Variants in SLC16A10 observed in about 807,000 individuals in gnomAD.
SLC16A10 encodes solute carrier family 16 member 10, also known as monocarboxylate transporter 10.
SLC16A10 carries 27 observed loss-of-function variants against 40.0 expected under a neutral mutation model. The ratio of observed to expected loss-of-function variants is 0.67; its 90% CI spans 0.50 to 0.93. The LOEUF (loss-of-function observed/expected upper bound fraction) is 0.93. SLC16A10 is among the 40% of genes least tolerant of loss of function. The probability of loss-of-function intolerance (pLI) is 0.00; values close to 1 mark genes in which losing one functional copy is unlikely to be tolerated. For missense variants in SLC16A10, 529 were observed against 658.2 expected (o/e 0.80, Z 2.15); for synonymous variants, 213 against 249.8 (o/e 0.85, Z 1.39).
intron 1 of SLC16A10, among the ~76,000 whole-genome samples, chr6:111,162,204 A>G (rs1458152023): frequency 6.6e-6 from 1 of 152,268 alleles, no homozygotes; most frequent in African/African-American, 2.4e-5. Context: ...GGTTATTTGC[A>G]TAAAGCACAG....
intron 1 of SLC16A10, among the ~76,000 whole-genome samples, chr6:111,094,078 T>G (rs1380384552): frequency 6.6e-6 from 1 of 152,188 alleles, no homozygotes; most frequent in East Asian, 1.9e-4. Context: ...AAGAACCCAA[T>G]TAGCCAAAAT....
chr6:111,131,032 G>C (rs1057222041), intron 1 of SLC16A10, among the ~76,000 whole-genome samples: 1 of 152,126 alleles, frequency 6.6e-6, no homozygotes, highest in Non-Finnish European at 1.5e-5. Flanking sequence ...ACCCCTTTTG[G>C]GTCCCCTCCC....
chr6:111,104,677 G>A (rs752301349), intron 1 of SLC16A10, among the ~76,000 whole-genome samples: 31 of 152,136 alleles, frequency 2.0e-4, no homozygotes, highest in Non-Finnish European at 2.5e-4. Context: ...AATGCAAACT[G>A]GTAGTCTCAG....
At chr6:111,202,371 G>A (rs751562148) in intron 3 of SLC16A10, among the ~76,000 whole-genome samples, 13 of 152,048 alleles carry the variant, frequency 8.5e-5, no homozygotes, top group South Asian at 2.1e-4. Context: ...CCAGGTACTC[G>A]GGAGGCTGAG....
chr6:111,091,725 C>T (rs1008844668), intron 1 of SLC16A10, among the ~76,000 whole-genome samples: 4 of 152,164 alleles, frequency 2.6e-5, no homozygotes, highest in East Asian at 1.9e-4. Flanking sequence ...ACTCTTCCCA[C>T]GCAATGGATA....
chr6:111,205,374 C>T (rs939576270), intron 3 of SLC16A10, among the ~76,000 whole-genome samples: 3 of 151,930 alleles, frequency 2.0e-5, no homozygotes, highest in Admixed American at 6.6e-5. Context: ...GTGTGGGGGA[C>T]GGTGATTGTC....
intron 1 of SLC16A10, among the ~76,000 whole-genome samples, chr6:111,120,496 A>G (rs974138866): frequency 1.6e-4 from 24 of 152,364 alleles, no homozygotes; most frequent in Non-Finnish European, 2.9e-4. Flanking sequence ...AATTCCAAAA[A>G]TATCAGACAT....
chr6:111,195,328 G>A (rs1193776187), intron 3 of SLC16A10, among the ~76,000 whole-genome samples: 1 of 152,146 alleles, frequency 6.6e-6, no homozygotes, highest in Admixed American at 6.6e-5. Flanking sequence ...ACCCAGAGAA[G>A]TCACATTCAT....
chr6:111,134,343 C>A (rs1771839375), intron 1 of SLC16A10, among the ~76,000 whole-genome samples: 1 of 152,198 alleles, frequency 6.6e-6, no homozygotes, highest in Admixed American at 6.5e-5. Context: ...CTAAGGGAGG[C>A]ATTGACAAAG....
intron 4 of SLC16A10, among the ~76,000 whole-genome samples, chr6:111,215,115 T>C (rs961564287): frequency 3.3e-5 from 5 of 151,006 alleles, no homozygotes; most frequent in Non-Finnish European, 5.9e-5. Context: ...CAAGACTCCA[T>C]CTCAAAAAAA....
chr6:111,206,921 C>T (rs910398123), intron 4 of SLC16A10, among the ~76,000 whole-genome samples, 186 bp downstream of exon 4: 9 of 152,110 alleles, frequency 5.9e-5, no homozygotes, highest in Middle Eastern at 3.2e-3. Flanking sequence ...CTCCACCTCC[C>T]GGGTTCAAGG....
chr6:111,091,109 G>A (rs974455639), intron 1 of SLC16A10: 1 of 152,092 alleles, frequency 6.6e-6, no homozygotes, highest in African/African-American at 2.4e-5. Flanking sequence ...TTCAGATATG[G>A]GAACTCAGGC....
rs567851259 is a variant in SLC16A10, at chr6:111,201,779, T to G, written c.943-4813T>G. Among the ~76,000 whole-genome samples the G allele has an allele frequency of 9.2e-5, 14 of 152,334 alleles. No individual in the cohort carries two copies. The East Asian group carries it at 2.5e-3, about 27-fold the overall frequency. ...TTGCAGGTGTGTACCACCACTGCAC[T>G]TCACAGGTTTCTGTAAATAAAGTGA... On this transcript the variant is annotated intron_variant, in intron 3 of 5. Transcript: ENST00000368851.
Position 111,227,411 on chromosome 6 carries a change from T to G in SLC16A10, c.*5176T>G, listed in dbSNP as rs528862790. On this transcript the variant is annotated 3_prime_UTR_variant, in exon 6 of 6. Coordinates refer to ENST00000368851, the MANE Select transcript of SLC16A10 (RefSeq NM_018593.5). ...CAGTTAAGTGTGAAGCTTGCATAAGTGTCGGAACCACAATTATGGACCCAC... is the reference window on the plus strand; with the variant it reads ...CAGTTAAGTGTGAAGCTTGCATAAGGGTCGGAACCACAATTATGGACCCAC... 1 of 152,294 alleles carries G rather than the reference T, an allele frequency of 6.6e-6. No individual in the cohort carries two copies. Among genetic ancestry groups the G allele is most frequent in the South Asian group, 2.1e-4 (1 of 4,828 alleles). The allele number at this position is 152,294 out of a possible 1,614,324, so 9.4% of individuals were successfully genotyped here.
intron 3 of SLC16A10, among the ~76,000 whole-genome samples, chr6:111,187,339 C>A (rs1245834558): frequency 3.3e-5 from 5 of 152,138 alleles, no homozygotes; most frequent in Non-Finnish European, 7.3e-5. Flanking sequence ...AAGGATGGTA[C>A]ATGGTGCAGC....
At chr6:111,155,076 A>C (rs963303870) in intron 1 of SLC16A10, among the ~76,000 whole-genome samples, 1 of 150,864 alleles carries the variant, frequency 6.6e-6, no homozygotes, top group African/African-American at 2.4e-5. Flanking sequence ...TCGTTCTACC[A>C]GGGGCCAGGA....
intron 1 of SLC16A10, among the ~76,000 whole-genome samples, chr6:111,152,627 A>G: frequency 6.6e-6 from 1 of 152,232 alleles, no homozygotes; most frequent in East Asian, 1.9e-4. Flanking sequence ...GAGAGAGTAT[A>G]GAAATGGTTG....
At chr6:111,198,279 C>T (rs1267587365) in intron 3 of SLC16A10, among the ~76,000 whole-genome samples, 1 of 151,982 alleles carries the variant, frequency 6.6e-6, no homozygotes, top group Admixed American at 6.5e-5. Context: ...GAGTGAGGCT[C>T]TGTCTAAAAA....
At chr6:111,215,404 G>C (rs774351660) in intron 4 of SLC16A10, among the ~76,000 whole-genome samples, 61 of 121,826 alleles carry the variant, frequency 5.0e-4, no homozygotes, top group Non-Finnish European at 8.7e-4. Flanking sequence ...TTGGCAAGTG[G>C]TACTGGTGTT....
Sources: allele counts gnomAD v4.1 joint callset (sites outside exome capture counted in the v4.1 genomes callset), GRCh38; gene constraint gnomAD v4.1.1; transcripts MANE v1.5; gene names NCBI Gene and HGNC (gene_info 2026-07-23, HGNC 2026-07-21).